Variants in LRCH3 observed in about 807,000 individuals in gnomAD.
LRCH3 encodes DISP complex protein LRCH3.
In LRCH3, 68 loss-of-function variants were observed where a neutral mutation model predicts 104.5. The observed-to-expected ratio is 0.65, with a 90% confidence interval of 0.54 to 0.80. The LOEUF is 0.80. LRCH3 is among the 30% of genes least tolerant of loss of function. LRCH3 has a pLI of 0.00. For synonymous variants in LRCH3, 344 were observed against 361.3 expected (o/e 0.95, Z 0.54); for missense variants, 951 against 953.9 (o/e 1.00, Z 0.04).
chr3:197,865,309 A>T, intron 15 of LRCH3, 114 bp from the exon 16 acceptor site: 1 of 703,960 alleles, frequency 1.4e-6, no homozygotes, highest in South Asian at 1.8e-5. Flanking sequence ...CTCTAGACTT[A>T]ATCGTGAAGG....
At chr3:197,880,974 T>G in intron 20 of LRCH3, 1 of 1,339,616 alleles carries the variant, frequency 7.5e-7, no homozygotes, top group Middle Eastern at 2.9e-4. Context: ...CCTGTGGCCT[T>G]GTTTCTCTTA....
intron 1 of LRCH3, among the ~76,000 whole-genome samples, chr3:197,795,111 A>G (rs1400562191): frequency 6.6e-6 from 1 of 152,210 alleles, no homozygotes; most frequent in African/African-American, 2.4e-5. Flanking sequence ...ACATCACAGA[A>G]GACTTCTTGA....
chr3:197,866,019 T>G, intron 16 of LRCH3, 93 bp from the exon 17 acceptor site: 3 of 872,414 alleles, frequency 3.4e-6, no homozygotes, highest in Non-Finnish European at 5.6e-6. Flanking sequence ...ATCATTGCCA[T>G]GTTTATTTTT....
intron 19 of LRCH3, among the ~76,000 whole-genome samples, chr3:197,872,439 A>G (rs578069880): frequency 1.5e-3 from 234 of 151,926 alleles, no homozygotes; most frequent in Non-Finnish European, 2.8e-3. Context: ...GTACACTACA[A>G]AGATGCCCAA....
chr3:197,836,302 A>G (rs983513829), intron 9 of LRCH3, among the ~76,000 whole-genome samples: 1 of 152,236 alleles, frequency 6.6e-6, no homozygotes, highest in East Asian at 1.9e-4. Context: ...AGTCACACAG[A>G]ATGTAAATTG....
At position 197,883,782 on chromosome 3, in the gene LRCH3, C is replaced by A; in HGVS notation, c.*116C>A. 9.4e-7 allele frequency: 1 copy of A among 1,068,006 alleles called. No homozygotes were observed. Among genetic ancestry groups the A allele is most frequent in the Non-Finnish European group, 1.2e-6 (1 of 802,994 alleles). 66.2% of individuals were successfully genotyped at this position (1,068,006 alleles called of 1,614,324 possible). Reference sequence around the variant, plus strand: ...TTGTGTGTTCTCAGAAGGGACCGTTCCCATGATTCCTAACAGGAATATTTT... The same window carrying A: ...TTGTGTGTTCTCAGAAGGGACCGTTACCATGATTCCTAACAGGAATATTTT... On this transcript the variant is annotated 3_prime_UTR_variant, in exon 21 of 21. Transcript: ENST00000425562. The surrounding 1 kb of genome is among the most constrained non-coding windows in gnomAD (Gnocchi z 4.2).
chr3:197,817,354 G>GTC (rs1553916565), intron 3 of LRCH3, 52 bp downstream of exon 3: 3 of 143,174 alleles, frequency 2.1e-5, no homozygotes, highest in East Asian at 6.8e-4. Context: ...GTCTGTGTGT[G>GTC]TGTGTGTATA....
At chr3:197,801,546 T>C (rs940445882) in intron 1 of LRCH3, among the ~76,000 whole-genome samples, 6 of 152,194 alleles carry the variant, frequency 3.9e-5, no homozygotes, top group Non-Finnish European at 7.3e-5. Flanking sequence ...TGGCACCTCT[T>C]CTTTTTGGCC....
chr3:197,835,573 A>T, intron 8 of LRCH3, 101 bp from the exon 9 acceptor site: 2 of 1,314,614 alleles, frequency 1.5e-6, no homozygotes, highest in Non-Finnish European at 2.0e-6. Flanking sequence ...ATAGAAAATC[A>T]TGGGGAAAAG....
At chr3:197,867,889 T>A (rs527671523) in intron 17 of LRCH3, among the ~76,000 whole-genome samples, 1 of 152,048 alleles carries the variant, frequency 6.6e-6, no homozygotes, top group Admixed American at 6.6e-5. Flanking sequence ...AAAGGCATGG[T>A]GGTGCAGGCC....
At chr3:197,796,672 T>C (rs1235373082) in intron 1 of LRCH3, among the ~76,000 whole-genome samples, 1 of 152,194 alleles carries the variant, frequency 6.6e-6, no homozygotes, top group Non-Finnish European at 1.5e-5. Flanking sequence ...TAAATACTAT[T>C]TTTGACCCCA....
chr3:197,840,081 T>A (rs997082770), intron 10 of LRCH3, among the ~76,000 whole-genome samples: 1 of 152,096 alleles, frequency 6.6e-6, no homozygotes, highest in Admixed American at 6.5e-5. Context: ...GACAGTGATA[T>A]GTATCACCAG....
chr3:197,833,859 T>C (rs962265510), intron 8 of LRCH3, among the ~76,000 whole-genome samples: 2 of 152,230 alleles, frequency 1.3e-5, no homozygotes, highest in African/African-American at 2.4e-5. Flanking sequence ...TCAGAAATCG[T>C]CTTAATATAA....
intron 17 of LRCH3, 86 bp downstream of exon 17, chr3:197,866,305 G>T: frequency 1.1e-6 from 1 of 909,720 alleles, no homozygotes; most frequent in Non-Finnish European, 1.8e-6. Context: ...TTAAACTTCT[G>T]CATATAGTAT....
chr3:197,854,450 G>C lies in LRCH3; in HGVS notation c.1644+5G>C. ...GATGATAGTGCCTTGTGCATGGTAA[G>C]AGTTTTGCACAAAACGGAGTTTCGC... On this transcript the variant is annotated splice_donor_5th_base_variant and intron_variant, in intron 14 of 20. Coordinates refer to ENST00000425562, the MANE Select transcript of LRCH3 (RefSeq NM_001365715.1). This position sits in a 1 kb window ranked among gnomAD's most constrained non-coding sequence, Gnocchi z 4.5. The C allele has an allele frequency of 6.2e-7, 1 of 1,613,760 alleles. No homozygotes were observed. Among genetic ancestry groups the C allele is most frequent in the Non-Finnish European group, 8.5e-7 (1 of 1,179,636 alleles).
At chr3:197,843,545 G>T (rs1401983278) in intron 10 of LRCH3, among the ~76,000 whole-genome samples, 1 of 152,100 alleles carries the variant, frequency 6.6e-6, no homozygotes, top group African/African-American at 2.4e-5. Context: ...TTAGTTGGGC[G>T]TGGTGGCATG....
chr3:197,865,996 A>G, intron 16 of LRCH3, 116 bp from the exon 17 acceptor site: 1 of 737,054 alleles, frequency 1.4e-6, no homozygotes. Flanking sequence ...ATCATTAAAT[A>G]GAATTATTTT....
intron 13 of LRCH3, among the ~76,000 whole-genome samples, chr3:197,853,439 C>T (rs962244036): frequency 2.6e-5 from 4 of 152,112 alleles, no homozygotes; most frequent in East Asian, 3.9e-4. Flanking sequence ...CCACCTGCCT[C>T]GGCCTCCCAA....
intron 15 of LRCH3, chr3:197,859,245 T>G: frequency 4.4e-6 from 1 of 229,806 alleles, no homozygotes; most frequent in Non-Finnish European, 8.6e-6. Context: ...TGCAAAATAA[T>G]TTGAGTCCAA....
Sources: gnomAD v4.1 joint callset for allele counts (sites outside exome capture counted in the v4.1 genomes callset) on GRCh38, gnomAD v4.1.1 for gene constraint, Gnocchi (gnomAD v3.1) non-coding constraint, MANE v1.5 for transcripts, NCBI Gene and HGNC (gene_info 2026-07-23, HGNC 2026-07-21) for gene names.